Variants in OOSP3 observed in about 807,000 individuals in gnomAD.
OOSP3 encodes oocyte secreted protein family member 3.
At chr11:59,887,456 C>G (rs965404418) in intron 2 of OOSP3, among the ~76,000 whole-genome samples, 1 of 152,128 alleles carries the variant, frequency 6.6e-6, no homozygotes. Flanking sequence ...TTTAATCCAT[C>G]TTGAGTTAGT....
intron 3 of OOSP3, among the ~76,000 whole-genome samples, chr11:59,894,589 G>C (rs1234347122): frequency 6.6e-6 from 1 of 152,196 alleles, no homozygotes; most frequent in East Asian, 1.9e-4. Flanking sequence ...CTAGGACTCT[G>C]CCTTAAATAG....
At chr11:59,894,214 C>A in intron 3 of OOSP3, 38 bp downstream of exon 3, 1 of 398,372 alleles carries the variant, frequency 2.5e-6, no homozygotes, top group South Asian at 1.3e-4. Context: ...AGTTTACCCT[C>A]TAAGAACTAA....
intron 3 of OOSP3, 122 bp downstream of exon 3, chr11:59,894,298 C>T (rs985769098): frequency 7.6e-6 from 3 of 393,970 alleles, no homozygotes; most frequent in African/African-American, 6.2e-5. Context: ...TGCATAGTTT[C>T]TCTGTGCAAT....
At chr11:59,895,704 C>A in intron 4 of OOSP3, 52 bp downstream of exon 4, 2 of 397,900 alleles carry the variant, frequency 5.0e-6, no homozygotes, top group South Asian at 2.6e-4. Flanking sequence ...TAGAAATGAT[C>A]GTATTGACAT....
intron 2 of OOSP3, among the ~76,000 whole-genome samples, chr11:59,892,351 A>C (rs1317335557): frequency 1.3e-5 from 2 of 151,492 alleles, no homozygotes; most frequent in African/African-American, 4.9e-5. Context: ...GATTGTACCA[A>C]CCGCCTAGTC....
chr11:59,883,237 A>T (rs963394119), intron 2 of OOSP3, among the ~76,000 whole-genome samples: 55 of 152,110 alleles, frequency 3.6e-4, no homozygotes, highest in African/African-American at 1.3e-3. Flanking sequence ...CCTGGGAACA[A>T]CTCTTTATTC....
At chr11:59,890,062 G>C (rs551459189) in intron 2 of OOSP3, among the ~76,000 whole-genome samples, 2 of 152,094 alleles carry the variant, frequency 1.3e-5, no homozygotes, top group South Asian at 4.2e-4. Flanking sequence ...ACCTTTGTTG[G>C]TTTAAATTCT....
At chr11:59,890,056 T>C (rs190341594) in intron 2 of OOSP3, among the ~76,000 whole-genome samples, 84 of 152,358 alleles carry the variant, frequency 5.5e-4, no homozygotes, top group African/African-American at 1.9e-3. Flanking sequence ...TTTTTGACCT[T>C]TGTTGGTTTA....
chr11:59,884,572 T>C (rs1477103685), intron 2 of OOSP3, among the ~76,000 whole-genome samples: 2 of 151,564 alleles, frequency 1.3e-5, no homozygotes, highest in Admixed American at 6.6e-5. Context: ...TGAACTCAGC[T>C]CACTGCAACC....
At chr11:59,893,543 G>A (rs1332007993) in intron 2 of OOSP3, among the ~76,000 whole-genome samples, 1 of 152,104 alleles carries the variant, frequency 6.6e-6, no homozygotes, top group East Asian at 1.9e-4. Flanking sequence ...TTTTAGTAGA[G>A]ATGAGATCTT....
intron 2 of OOSP3, among the ~76,000 whole-genome samples, chr11:59,884,881 T>C (rs1472276519): frequency 6.6e-6 from 1 of 152,200 alleles, no homozygotes; most frequent in Non-Finnish European, 1.5e-5. Flanking sequence ...TCTTGCCTAA[T>C]TTTCCTAGCT....
At chr11:59,894,250 A>G (rs1565220706) in intron 3 of OOSP3, 74 bp downstream of exon 3, 5 of 397,302 alleles carry the variant, frequency 1.3e-5, no homozygotes, top group South Asian at 1.3e-4. Flanking sequence ...TTGGAATATG[A>G]AGCTTTACAT....
chr11:59,886,867 T>C (rs1853265803), intron 2 of OOSP3, among the ~76,000 whole-genome samples: 1 of 151,650 alleles, frequency 6.6e-6, no homozygotes, highest in African/African-American at 2.4e-5. Flanking sequence ...CTTGGCTCAC[T>C]GCAACCTCCG....
intron 2 of OOSP3, among the ~76,000 whole-genome samples, chr11:59,884,861 TG>T (rs1217192142): frequency 1.3e-5 from 2 of 152,182 alleles, no homozygotes; most frequent in African/African-American, 4.8e-5. Context: ...GGATAATTTT[TG>T]TTTTATCTTC....
At chr11:59,894,573 C>T (rs972663831) in intron 3 of OOSP3, among the ~76,000 whole-genome samples, 2 of 152,232 alleles carry the variant, frequency 1.3e-5, no homozygotes, top group Non-Finnish European at 2.9e-5. Context: ...GAGGGTCCTA[C>T]TGAGGCTAGG....
At chr11:59,886,786 G>T (rs768454357) in intron 2 of OOSP3, among the ~76,000 whole-genome samples, 1 of 147,528 alleles carries the variant, frequency 6.8e-6, no homozygotes, top group African/African-American at 2.5e-5. Flanking sequence ...CATGTCATTT[G>T]CCCACTTTTT....
At chr11:59,886,061 C>A (rs1354392674) in intron 2 of OOSP3, among the ~76,000 whole-genome samples, 2 of 152,044 alleles carry the variant, frequency 1.3e-5, no homozygotes, top group African/African-American at 4.8e-5. Flanking sequence ...CCTCCCCTGA[C>A]AAGCCCCTAT....
chr11:59,882,403 A>G (rs1269163408), intron 2 of OOSP3, among the ~76,000 whole-genome samples: 1 of 152,190 alleles, frequency 6.6e-6, no homozygotes, highest in African/African-American at 2.4e-5. Context: ...TCAAATTTCC[A>G]TAGTATACAA....
At chr11:59,886,622 A>G (rs561665043) in intron 2 of OOSP3, among the ~76,000 whole-genome samples, 113 of 152,286 alleles carry the variant, frequency 7.4e-4, no homozygotes, top group South Asian at 4.4e-3. Flanking sequence ...CCTCTCCAGT[A>G]TCTGTTGTTT....
Sources: gnomAD v4.1 joint callset for allele counts (sites outside exome capture counted in the v4.1 genomes callset) on GRCh38, gnomAD v4.1.1 for gene constraint, MANE v1.5 for transcripts, NCBI Gene and HGNC (gene_info 2026-07-23, HGNC 2026-07-21) for gene names.